Variants in SHISA9 observed in about 807,000 individuals in gnomAD.
SHISA9 encodes protein shisa-9.
A neutral mutation model predicts 38.0 loss-of-function variants in SHISA9; 13 were observed. That is an observed-to-expected ratio of 0.34 (90% CI 0.22 to 0.54). The LOEUF is 0.54. Ranked by LOEUF, SHISA9 falls within the 20% of genes least tolerant of loss-of-function variation. SHISA9 has a pLI of 0.91. For synonymous variants in SHISA9, 275 were observed against 242.0 expected, an observed-to-expected ratio of 1.14 and a Z score of -1.27; for missense variants, 538 against 575.8, an observed-to-expected ratio of 0.93 and a Z score of 0.67.
chr16:12,914,046 C>CTTTTTTTTTTTTTTTTTT (rs61679035), intron 1 of SHISA9, among the ~76,000 whole-genome samples: 1 of 124,272 alleles, frequency 8.0e-6, no homozygotes, highest in Non-Finnish European at 1.7e-5. Flanking sequence ...GTTTGTTTTT[C>CTTTTTTTTTTTTTTTTTT]TTTTTTTTTT....
chr16:12,989,288 C>G (rs1265170395), intron 2 of SHISA9, among the ~76,000 whole-genome samples: 1 of 152,106 alleles, frequency 6.6e-6, no homozygotes, highest in Non-Finnish European at 1.5e-5. Flanking sequence ...AGTGATTCTC[C>G]TGCCTCAGCC....
At chr16:13,407,070 CAAAAAAAAAAAAAA>C in the SHISA9 span, among the ~76,000 whole-genome samples, 5 of 45,594 alleles carry the variant, frequency 1.1e-4, no homozygotes, top group Admixed American at 1.2e-3. Context: ...CTCTGTCTCA[CAAAAAAAAAAAAAA>C]AAAAAAAAAA....
At chr16:13,396,194 C>G in the SHISA9 span, among the ~76,000 whole-genome samples, 1 of 152,148 alleles carries the variant, frequency 6.6e-6, no homozygotes, top group African/African-American at 2.4e-5. Context: ...GGATGAGTCT[C>G]CTCTTAATAG....
At chr16:13,256,428 C>T in the SHISA9 span, among the ~76,000 whole-genome samples, 138 of 152,296 alleles carry the variant, frequency 9.1e-4, no homozygotes, top group African/African-American at 3.2e-3. Context: ...ATTACAGGCA[C>T]GGGCCACCAT....
chr16:13,299,923 G>A, the SHISA9 span, among the ~76,000 whole-genome samples: 4 of 152,060 alleles, frequency 2.6e-5, no homozygotes, highest in East Asian at 3.9e-4. Context: ...ATAGGGTGAC[G>A]GTGACTGTGA....
chr16:12,974,590 A>T (rs1238668476), intron 2 of SHISA9, among the ~76,000 whole-genome samples: 1 of 143,546 alleles, frequency 7.0e-6, no homozygotes, highest in Admixed American at 7.5e-5. Flanking sequence ...GGTTCAAGCG[A>T]TTCTCCTGCC....
At chr16:13,294,971 C>A in the SHISA9 span, among the ~76,000 whole-genome samples, 3 of 152,098 alleles carry the variant, frequency 2.0e-5, no homozygotes, top group East Asian at 1.9e-4. Flanking sequence ...ATTCATTTAA[C>A]CCTTACAATA....
At chr16:13,383,013 C>A in the SHISA9 span, among the ~76,000 whole-genome samples, 2 of 152,302 alleles carry the variant, frequency 1.3e-5, no homozygotes, top group South Asian at 2.1e-4. Flanking sequence ...GCGTGTCAGG[C>A]ACTATTCTAG....
chr16:13,125,085 G>A (rs1455575352), intron 2 of SHISA9, among the ~76,000 whole-genome samples: 1 of 152,094 alleles, frequency 6.6e-6, no homozygotes, highest in Non-Finnish European at 1.5e-5. Context: ...TACCCAATAA[G>A]CACAGGCAAC....
At chr16:13,425,535 G>A in the SHISA9 span, among the ~76,000 whole-genome samples, 34 of 152,084 alleles carry the variant, frequency 2.2e-4, no homozygotes, top group Non-Finnish European at 4.4e-4. Flanking sequence ...AAGCAGGGAG[G>A]GAAGAATGGG....
chr16:13,210,650 G>A (rs2051110108), intron 3 of SHISA9, among the ~76,000 whole-genome samples: 1 of 152,142 alleles, frequency 6.6e-6, no homozygotes, highest in African/African-American at 2.4e-5. Flanking sequence ...GCCTCTACTA[G>A]TTTAATTTCT....
chr16:13,504,719 C>A, the SHISA9 span, among the ~76,000 whole-genome samples: 83,708 of 151,968 alleles, frequency 0.55, 24,570 homozygotes, highest in East Asian at 0.79. Flanking sequence ...TGCTCCATGC[C>A]ATAATAATGT....
the SHISA9 span, among the ~76,000 whole-genome samples, chr16:13,352,877 C>A: frequency 6.6e-6 from 1 of 151,910 alleles, no homozygotes; most frequent in Non-Finnish European, 1.5e-5. Flanking sequence ...TCAGTTAAGG[C>A]AAGGACCGGC....
At chr16:13,107,485 A>G (rs1234846525) in intron 2 of SHISA9, among the ~76,000 whole-genome samples, 1 of 119,772 alleles carries the variant, frequency 8.3e-6, no homozygotes, top group Admixed American at 7.7e-5. Context: ...ACACACACAC[A>G]CACACACACA....
At chr16:13,013,984 C>T (rs2072711058) in intron 2 of SHISA9, among the ~76,000 whole-genome samples, 1 of 152,182 alleles carries the variant, frequency 6.6e-6, no homozygotes, top group African/African-American at 2.4e-5. Flanking sequence ...CCATCTCTGC[C>T]TCCCAAAGTG....
At chr16:13,330,248 G>T in the SHISA9 span, among the ~76,000 whole-genome samples, 4 of 152,178 alleles carry the variant, frequency 2.6e-5, no homozygotes, top group Admixed American at 6.5e-5. Flanking sequence ...TGGGTGACTT[G>T]ATCAACCAGG....
At chr16:13,089,581 A>T (rs1447219655) in intron 2 of SHISA9, among the ~76,000 whole-genome samples, 1 of 152,282 alleles carries the variant, frequency 6.6e-6, no homozygotes, top group African/African-American at 2.4e-5. Context: ...TTTCTAGTTT[A>T]TTTGCATAGA....
intron 2 of SHISA9, among the ~76,000 whole-genome samples, chr16:13,098,967 C>A (rs1817181405): frequency 6.6e-6 from 1 of 152,192 alleles, no homozygotes; most frequent in African/African-American, 2.4e-5. Flanking sequence ...GGATTGTATA[C>A]AGGTGGGGCT....
the SHISA9 span, among the ~76,000 whole-genome samples, chr16:13,465,988 C>A: frequency 6.6e-6 from 1 of 152,246 alleles, no homozygotes; most frequent in African/African-American, 2.4e-5. Context: ...TTGCAATCTG[C>A]CCCTTTACGG....
Sources: gnomAD v4.1 joint callset for allele counts (sites outside exome capture counted in the v4.1 genomes callset) on GRCh38, gnomAD v4.1.1 for gene constraint, MANE v1.5 for transcripts, NCBI Gene and HGNC (gene_info 2026-07-23, HGNC 2026-07-21) for gene names.